Variants in VDAC1 observed in about 807,000 individuals in gnomAD.
The protein encoded by VDAC1 is voltage dependent anion channel 1.
Under a neutral mutation model 34.7 loss-of-function variants are expected in VDAC1, and 10 were observed. The observed-to-expected ratio is 0.29, with a 90% CI of 0.18 to 0.49. VDAC1 has a LOEUF of 0.49. Among genes scored for constraint, VDAC1 ranks in the 20% least tolerant of loss-of-function variants. VDAC1 has a pLI of 0.99. For missense variants in VDAC1, 230 were observed against 347.9 expected, an observed-to-expected ratio of 0.66 and a Z score of 2.69; for synonymous variants, 130 against 136.0, an observed-to-expected ratio of 0.96 and a Z score of 0.30.
chr5:134,109,366 C>T, the VDAC1 span, among the ~76,000 whole-genome samples: 343 of 152,280 alleles, frequency 2.3e-3, no homozygotes, highest in African/African-American at 7.9e-3. Flanking sequence ...CAGGTGACCC[C>T]CACATGAACA....
intron 1 of VDAC1, among the ~76,000 whole-genome samples, chr5:133,995,883 CT>C (rs1307193367): frequency 6.6e-6 from 1 of 152,236 alleles, no homozygotes; most frequent in Non-Finnish European, 1.5e-5. Flanking sequence ...ACTTAACACC[CT>C]GCCAGGGTGC....
chr5:134,095,505 T>TC, the VDAC1 span, among the ~76,000 whole-genome samples: 3 of 151,144 alleles, frequency 2.0e-5, no homozygotes, highest in African/African-American at 7.3e-5. Flanking sequence ...AATAAATAAA[T>TC]AAATAAATAA....
rs1015664217 is a variant in VDAC1, at chr5:133,993,078, C to G, written c.-6-60G>C. On this transcript the variant is annotated intron_variant, in intron 1 of 8. Transcript: ENST00000265333. ...ATAATTAGGGAAATTAGCTTTCCAT[C>G]AATAACAATTATTAGATGTAATTAG... 5.3e-6 allele frequency: 8 copies of G among 1,506,118 alleles called. No homozygotes were observed. In the African/African-American group the frequency reaches 8.4e-5, roughly 16 times the overall value. The allele number at this position is 1,506,118 out of a possible 1,614,324, so 93.3% of individuals were successfully genotyped here. A position where few individuals can be genotyped will look rare whatever the true frequency, so the allele number is the denominator to read the frequency against.
chr5:133,996,444 T>C (rs1386487372), intron 1 of VDAC1, among the ~76,000 whole-genome samples: 1 of 152,122 alleles, frequency 6.6e-6, no homozygotes, highest in Non-Finnish European at 1.5e-5. Context: ...ATAGTGTATC[T>C]ATCACCCAGC....
the VDAC1 span, among the ~76,000 whole-genome samples, chr5:134,095,862 TG>T: frequency 6.6e-6 from 1 of 152,218 alleles, no homozygotes; most frequent in Non-Finnish European, 1.5e-5. Context: ...GCTACTGTAC[TG>T]GACAACACAG....
At chr5:134,083,398 C>T in the VDAC1 span, among the ~76,000 whole-genome samples, 1 of 152,248 alleles carries the variant, frequency 6.6e-6, no homozygotes, top group East Asian at 1.9e-4. Context: ...CTATGTTGGC[C>T]AGGCTGGTCT....
the VDAC1 span, among the ~76,000 whole-genome samples, chr5:134,035,717 A>T: frequency 2.6e-5 from 4 of 152,110 alleles, no homozygotes; most frequent in Non-Finnish European, 5.9e-5. Context: ...GAAAATCATC[A>T]TTTGCCAGGC....
the VDAC1 span, among the ~76,000 whole-genome samples, chr5:134,032,875 A>G: frequency 6.6e-6 from 1 of 152,226 alleles, no homozygotes; most frequent in African/African-American, 2.4e-5. Flanking sequence ...CTACAAAATA[A>G]AACAAAATAA....
the VDAC1 span, among the ~76,000 whole-genome samples, chr5:134,088,025 C>T: frequency 6.6e-6 from 1 of 150,992 alleles, no homozygotes; most frequent in Non-Finnish European, 1.5e-5. Context: ...CGTTGTAGCG[C>T]GTGCCTGTAA....
chr5:134,063,888 A>G, the VDAC1 span, among the ~76,000 whole-genome samples: 1 of 152,130 alleles, frequency 6.6e-6, no homozygotes, highest in Non-Finnish European at 1.5e-5. Context: ...ACTGAAGTGC[A>G]GTAGCACAAT....
At chr5:134,042,535 C>G in the VDAC1 span, among the ~76,000 whole-genome samples, 1 of 152,222 alleles carries the variant, frequency 6.6e-6, no homozygotes, top group East Asian at 1.9e-4. Flanking sequence ...TGTCTCTTAG[C>G]CTCTCCAGAG....
chr5:134,109,770 C>CAAAAAAAAAA, the VDAC1 span, among the ~76,000 whole-genome samples: 89 of 140,282 alleles, frequency 6.3e-4, no homozygotes, highest in African/African-American at 2.4e-3. Flanking sequence ...GGCTCCATCT[C>CAAAAAAAAAA]AAAAAAAAAA....
the VDAC1 span, among the ~76,000 whole-genome samples, chr5:134,037,103 A>G: frequency 6.6e-6 from 1 of 152,252 alleles, no homozygotes; most frequent in Admixed American, 6.5e-5. Flanking sequence ...CAGAGGAACA[A>G]CCACAGCACA....
At chr5:134,021,380 C>T in the VDAC1 span, among the ~76,000 whole-genome samples, 1 of 150,886 alleles carries the variant, frequency 6.6e-6, no homozygotes, top group African/African-American at 2.4e-5. Context: ...ATGTTCCCCA[C>T]TCTGTGTCCA....
At chr5:134,007,073 G>A (rs543440599), upstream of VDAC1, among the ~76,000 whole-genome samples, 4 of 151,930 alleles carry the variant, frequency 2.6e-5, no homozygotes, top group South Asian at 2.1e-4. Flanking sequence ...GAGAAACCCC[G>A]TCTCTACTAA....
chr5:134,063,148 A>G, the VDAC1 span, among the ~76,000 whole-genome samples: 4 of 152,184 alleles, frequency 2.6e-5, no homozygotes, highest in Admixed American at 6.5e-5. Flanking sequence ...GTTTCCCCTC[A>G]AGTTAATATA....
chr5:133,982,798 G>A (rs998494294), intron 5 of VDAC1, among the ~76,000 whole-genome samples: 3 of 150,588 alleles, frequency 2.0e-5, no homozygotes, highest in African/African-American at 7.3e-5. Flanking sequence ...GCTGAGGCAG[G>A]AGAATCACTT....
At chr5:133,989,154 G>A (rs1351279036) in intron 5 of VDAC1, 1 of 152,304 alleles carries the variant, frequency 6.6e-6, no homozygotes, top group African/African-American at 2.4e-5. Context: ...GACATCTCCA[G>A]AGGATAGGAA....
the VDAC1 span, among the ~76,000 whole-genome samples, chr5:134,056,241 C>CAAAAAAAA: frequency 9.0e-6 from 1 of 111,200 alleles, no homozygotes. Flanking sequence ...AACTCCGTCT[C>CAAAAAAAA]AAAAAAAAAA....
Sources: gnomAD v4.1 joint callset for allele counts (sites outside exome capture counted in the v4.1 genomes callset) on GRCh38, gnomAD v4.1.1 for gene constraint, MANE v1.5 for transcripts, NCBI Gene and HGNC (gene_info 2026-07-23, HGNC 2026-07-21) for gene names.